Variants in GPC6 observed in about 807,000 individuals in gnomAD.
The protein encoded by GPC6 is glypican 6, also known as glypican-6.
In GPC6, 14 loss-of-function variants were observed where a neutral mutation model predicts 55.2. That is an observed-to-expected ratio of 0.25 (90% CI 0.17 to 0.40). The LOEUF is 0.40. GPC6 is among the 10% of genes least tolerant of loss of function. The pLI is 1.00. For missense variants in GPC6, 641 were observed against 708.5 expected, an observed-to-expected ratio of 0.90 and a Z score of 1.08; for synonymous variants, 278 against 259.6, an observed-to-expected ratio of 1.07 and a Z score of -0.68.
intron 2 of GPC6, among the ~76,000 whole-genome samples, chr13:93,591,813 C>T (rs1877503658): frequency 6.6e-6 from 1 of 152,104 alleles, no homozygotes; most frequent in African/African-American, 2.4e-5. Context: ...AGTTAGTTAT[C>T]AGTTAATAAA....
intron 1 of GPC6, among the ~76,000 whole-genome samples, chr13:93,479,610 C>T (rs1879433455): frequency 1.3e-5 from 1 of 77,030 alleles, no homozygotes; most frequent in Non-Finnish European, 3.4e-5. Flanking sequence ...GTGGTGAGAC[C>T]CCCCCCCATC....
the GPC6 span, among the ~76,000 whole-genome samples, chr13:93,220,206 A>G: frequency 6.6e-3 from 1,010 of 152,344 alleles, 2 homozygotes; most frequent in Non-Finnish European, 0.011. Context: ...GAAAGTTAGC[A>G]TCATGTGAAG....
chr13:93,876,250 A>G (rs1253083088), intron 3 of GPC6, among the ~76,000 whole-genome samples: 1 of 151,954 alleles, frequency 6.6e-6, no homozygotes, highest in Non-Finnish European at 1.5e-5. Context: ...TATATTGTTA[A>G]TTTCTAGGGA....
At chr13:93,351,619 G>C (rs1342634500) in intron 1 of GPC6, among the ~76,000 whole-genome samples, 2 of 152,090 alleles carry the variant, frequency 1.3e-5, no homozygotes, top group Non-Finnish European at 2.9e-5. Context: ...ATGGTAGATG[G>C]ACAATTGAGA....
At chr13:93,947,704 T>A (rs546215588) in intron 3 of GPC6, among the ~76,000 whole-genome samples, 1 of 152,080 alleles carries the variant, frequency 6.6e-6, no homozygotes, top group East Asian at 1.9e-4. Context: ...TGATTCCCCG[T>A]ACAAAAGTGG....
chr13:93,405,214 G>T (rs551397285), intron 1 of GPC6, among the ~76,000 whole-genome samples: 2 of 152,144 alleles, frequency 1.3e-5, no homozygotes, highest in African/African-American at 4.8e-5. Flanking sequence ...CTGTCCACAC[G>T]TGTTCTTTTT....
intron 3 of GPC6, among the ~76,000 whole-genome samples, chr13:93,967,188 A>T (rs922507521): frequency 2.6e-5 from 4 of 152,162 alleles, no homozygotes; most frequent in Non-Finnish European, 4.4e-5. Flanking sequence ...CTGCAGTGTG[A>T]CAGTCACTTT....
chr13:94,272,970 C>G (rs1053007216), intron 4 of GPC6, among the ~76,000 whole-genome samples: 3 of 152,092 alleles, frequency 2.0e-5, no homozygotes, highest in Non-Finnish European at 4.4e-5. Context: ...TGGACACAGC[C>G]CCCTCTCAGT....
chr13:94,322,064 T>C (rs188438108), intron 6 of GPC6, among the ~76,000 whole-genome samples: 95 of 152,298 alleles, frequency 6.2e-4, no homozygotes, highest in Middle Eastern at 3.4e-3. Flanking sequence ...TTCATCTGAA[T>C]TGTAGCTCCC....
At chr13:94,315,338 T>C (rs1290797001) in intron 6 of GPC6, among the ~76,000 whole-genome samples, 1 of 152,224 alleles carries the variant, frequency 6.6e-6, no homozygotes, top group Non-Finnish European at 1.5e-5. Flanking sequence ...GTTTATTTCT[T>C]GTATGTGCCA....
chr13:94,403,206 C>A lies in GPC6; in HGVS notation c.1657C>A (p.Leu553Met), dbSNP rs971836933. 6.2e-7 allele frequency: 1 copy of A among 1,612,188 alleles called. No individual in the cohort carries two copies. Among genetic ancestry groups the A allele is most frequent in the Non-Finnish European group, 8.5e-7 (1 of 1,178,274 alleles). ...LTCIVLALQR[L>M]CR ...CTGCATTGTCCTGGCACTGCAGAGA[C>A]TGTGCAGATAATCTTGGGTTTTTGG... The change falls in exon 9 of 9, where the codon CTG (leucine) becomes ATG (methionine). Residue 553 changes from leucine to methionine, a missense_variant. Transcript: ENST00000377047.
chr13:93,496,186 C>T (rs949234926), intron 1 of GPC6, among the ~76,000 whole-genome samples: 25 of 152,048 alleles, frequency 1.6e-4, no homozygotes, highest in East Asian at 9.7e-4. Context: ...AGTCCGTGGG[C>T]GTAGGACCCT....
At chr13:94,328,709 A>T (rs1877249818) in intron 6 of GPC6, among the ~76,000 whole-genome samples, 1 of 152,224 alleles carries the variant, frequency 6.6e-6, no homozygotes, top group South Asian at 2.1e-4. Flanking sequence ...TAGTCACTGC[A>T]CTGAGTATTT....
chr13:94,350,974 C>T (rs1878510600), intron 6 of GPC6, among the ~76,000 whole-genome samples: 1 of 152,156 alleles, frequency 6.6e-6, no homozygotes, highest in African/African-American at 2.4e-5. Flanking sequence ...AGGGATGACG[C>T]TGCCCTGAAT....
At chr13:93,460,918 T>C (rs1482218798) in intron 1 of GPC6, among the ~76,000 whole-genome samples, 2 of 152,184 alleles carry the variant, frequency 1.3e-5, no homozygotes, top group East Asian at 1.9e-4. Context: ...GGTTTTAATA[T>C]AATAATGTGT....
intron 3 of GPC6, among the ~76,000 whole-genome samples, chr13:93,976,681 C>T (rs1295216088): frequency 6.6e-6 from 1 of 151,488 alleles, no homozygotes; most frequent in African/African-American, 2.4e-5. Context: ...AAGCTCATGG[C>T]ACCCCCTCCC....
At chr13:94,270,900 C>T (rs1418083513) in intron 4 of GPC6, among the ~76,000 whole-genome samples, 1 of 147,938 alleles carries the variant, frequency 6.8e-6, no homozygotes, top group Non-Finnish European at 1.5e-5. Context: ...CTGCTGGCTG[C>T]AGTTCCCAGG....
intron 2 of GPC6, among the ~76,000 whole-genome samples, chr13:93,635,078 A>AT (rs1310254115): frequency 2.6e-5 from 4 of 152,180 alleles, no homozygotes; most frequent in Middle Eastern, 3.4e-3. Flanking sequence ...CTTTGTATAT[A>AT]TTTTAAAAAC....
chr13:93,475,661 G>A (rs973853074), intron 1 of GPC6, among the ~76,000 whole-genome samples: 1 of 152,040 alleles, frequency 6.6e-6, no homozygotes, highest in Non-Finnish European at 1.5e-5. Flanking sequence ...GAGTACTTAG[G>A]GAGAAAGAGA....
Sources: allele counts gnomAD v4.1 joint callset (sites outside exome capture counted in the v4.1 genomes callset), GRCh38; gene constraint gnomAD v4.1.1; transcripts MANE v1.5; gene names NCBI Gene and HGNC (gene_info 2026-07-23, HGNC 2026-07-21).